PLG: variants seen among roughly 807,000 people sequenced by gnomAD.
The protein encoded by PLG is plasminogen, also known as plasmin.
PLG carries 41 observed loss-of-function variants against 104.4 expected under a neutral mutation model. The observed-to-expected ratio is 0.39, with a 90% CI of 0.31 to 0.51. The LOEUF (loss-of-function observed/expected upper bound fraction) is 0.51. Among genes scored for constraint, PLG ranks in the 20% least tolerant of loss-of-function variants. PLG has a pLI of 0.76. For missense variants in PLG, 891 were observed against 1,003.6 expected, an observed-to-expected ratio of 0.89 and a Z score of 1.52; for synonymous variants, 337 against 357.1, an observed-to-expected ratio of 0.94 and a Z score of 0.63.
At chr6:160,715,405 A>C (rs983704012) in intron 6 of PLG, among the ~76,000 whole-genome samples, 1 of 152,120 alleles carries the variant, frequency 6.6e-6, no homozygotes, top group African/African-American at 2.4e-5. Context: ...TGAATCCCTG[A>C]TGTTTTATGT....
chr6:160,732,072 AT>A lies in PLG; in HGVS notation c.1587+180del, dbSNP rs1181360806. Among the ~76,000 whole-genome samples, 1 of 152,198 alleles carries A rather than the reference AT, an allele frequency of 6.6e-6. No individual in the cohort carries two copies. Among genetic ancestry groups the A allele is most frequent in the Non-Finnish European group, 1.5e-5 (1 of 68,032 alleles). On this transcript the variant is annotated intron_variant, in intron 12 of 18. Coordinates refer to ENST00000308192, the MANE Select transcript of PLG (RefSeq NM_000301.5). This position sits in a 1 kb window ranked among gnomAD's most constrained non-coding sequence, Gnocchi z 4.5. The stretch of plus-strand genomic sequence containing the variant: ...AAGCTAGAATATAATTGGCCTTAGT[AT>A]GGAAAGTACAAGCAGCACAGGCCAG...
intron 1 of PLG, chr6:160,705,628 C>A (rs894196114): frequency 1.3e-5 from 2 of 152,108 alleles, no homozygotes; most frequent in African/African-American, 4.8e-5. Context: ...TAGTTCAGTT[C>A]TTGTTTATTT....
At chr6:160,714,650 A>G in intron 5 of PLG, 144 bp from the exon 6 acceptor site, 1 of 641,006 alleles carries the variant, frequency 1.6e-6, no homozygotes, top group South Asian at 1.9e-5. Context: ...TGCCAATTTT[A>G]TTGCCAAGTG....
At chr6:160,714,404 T>C (rs1777696436) in intron 5 of PLG, among the ~76,000 whole-genome samples, 1 of 152,194 alleles carries the variant, frequency 6.6e-6, no homozygotes, top group South Asian at 2.1e-4. Context: ...AGATCATTAT[T>C]GAAATGAAGA....
rs1467328540 is a variant in PLG, at chr6:160,702,286, A to G, written c.-19A>G. On this transcript the variant is annotated 5_prime_UTR_variant, in exon 1 of 19. Transcript: ENST00000308192. ...TGGGATTGGGACCCACTTTCTGGGC[A>G]CTGCTGGCCAGTCCCAAAATGGAAC... 2 of 1,609,724 alleles carry G rather than the reference A, an allele frequency of 1.2e-6. No homozygotes were observed. Among genetic ancestry groups the G allele is most frequent in the Middle Eastern group, 2.2e-4 (1 of 4,452 alleles).
chr6:160,723,316 G>A lies in PLG; in HGVS notation c.1256+749G>A, dbSNP rs975072492. 6.6e-6 allele frequency among the ~76,000 whole-genome samples: 1 copy of A among 152,100 alleles called. No homozygotes were observed. The highest frequency in any genetic ancestry group is 1.5e-5 in the Non-Finnish European group (1 of 68,026). Reference sequence around the variant, plus strand: ...AGCGAAAGAGGCCATTAGATGAACAGAAAACCAGGTCTAACAAGGACAGCT... The same window carrying A: ...AGCGAAAGAGGCCATTAGATGAACAAAAAACCAGGTCTAACAAGGACAGCT... On this transcript the variant is annotated intron_variant, in intron 10 of 18. Transcript: ENST00000308192. This position sits in a 1 kb window ranked among gnomAD's most constrained non-coding sequence, Gnocchi z 4.7.
intron 17 of PLG, among the ~76,000 whole-genome samples, chr6:160,745,212 T>C (rs1201455372): frequency 1.3e-5 from 2 of 152,196 alleles, no homozygotes; most frequent in South Asian, 2.1e-4. Context: ...TCTTTGTTAA[T>C]TTTGTGCCTC....
In PLG at chr6:160,736,877, T is replaced by C; in HGVS notation, c.1682-10T>C. 6 of 1,613,734 alleles carry C rather than the reference T, an allele frequency of 3.7e-6. No individual in the cohort carries two copies. The highest frequency in any genetic ancestry group is 5.1e-6 in the Non-Finnish European group (6 of 1,179,736). On this transcript the variant is annotated splice_polypyrimidine_tract_variant and intron_variant, in intron 13 of 18. Transcript: ENST00000308192. The surrounding 1 kb of genome is among the most constrained non-coding windows in gnomAD (Gnocchi z 5.2). ...CTCAAATGGGATTTCTTTCCCACCTTGTGCCACAGCGGCCCCTTCATTTGA... is the reference window on the plus strand; with the variant it reads ...CTCAAATGGGATTTCTTTCCCACCTCGTGCCACAGCGGCCCCTTCATTTGA...
chr6:160,733,975 A>C lies in PLG; in HGVS notation c.1588-20A>C, dbSNP rs1008398093. The C allele has an allele frequency of 2.3e-5, 32 of 1,417,870 alleles. No individual in the cohort carries two copies. Among genetic ancestry groups the C allele is most frequent in the Non-Finnish European group, 3.1e-5 (31 of 1,001,454 alleles). 87.8% of individuals were successfully genotyped at this position (1,417,870 alleles called of 1,614,324 possible). On this transcript the variant is annotated intron_variant, in intron 12 of 18. Coordinates refer to ENST00000308192, the MANE Select transcript of PLG (RefSeq NM_000301.5). The stretch of plus-strand genomic sequence containing the variant: ...TCCTGCCCCACGTGAGCTGGAGCTT[A>C]CATGCCTTCTTGTTTTCAGTACTGC...
chr6:160,733,951 C>A (rs1778046105), intron 12 of PLG, 44 bp from the exon 13 acceptor site: 1 of 1,024,972 alleles, frequency 9.8e-7, no homozygotes. Context: ...TTCTCCCTCT[C>A]CTGCCCCACG....
chr6:160,741,461 T>C lies in PLG; in HGVS notation c.2125+44T>C. ...CCCACATAACGAATTGGTTTTGACC[T>C]ACAGTCCATGTGACAAAATGATCAT... is the stretch of plus-strand genomic sequence containing the variant. On this transcript the variant is annotated intron_variant, in intron 17 of 18. Coordinates refer to ENST00000308192, the MANE Select transcript of PLG (RefSeq NM_000301.5). This position sits in a 1 kb window ranked among gnomAD's most constrained non-coding sequence, Gnocchi z 4.7. 9.2e-7 allele frequency: 1 copy of C among 1,090,822 alleles called. No individual in the cohort carries two copies. Among genetic ancestry groups the C allele is most frequent in the South Asian group, 1.2e-5 (1 of 80,490 alleles). 67.6% of individuals were successfully genotyped at this position (1,090,822 alleles called of 1,614,324 possible). A position where few individuals can be genotyped will look rare whatever the true frequency, so the allele number is the denominator to read the frequency against.
rs1338690994 is a variant in PLG at position 160,725,080 on chromosome 6, T to TAATTTGCATGTAATTACA, written c.1256+2513_1256+2514insAATTTGCATGTAATTACA. Among the ~76,000 whole-genome samples, 16 of 152,202 alleles carry TAATTTGCATGTAATTACA rather than the reference T, an allele frequency of 1.1e-4. No homozygotes were observed. Among genetic ancestry groups the TAATTTGCATGTAATTACA allele is most frequent in the African/African-American group, 3.9e-4 (16 of 41,532 alleles). ...AAATACAAAAATTAGCTGGGCATGG[T>TAATTTGCATGTAATTACA]GGCACGTGCCTGTAATCCCAGCAAC... is the stretch of plus-strand genomic sequence containing the variant. On this transcript the variant is annotated intron_variant, in intron 10 of 18. Coordinates refer to ENST00000308192, the MANE Select transcript of PLG (RefSeq NM_000301.5). This position sits in a 1 kb window ranked among gnomAD's most constrained non-coding sequence, Gnocchi z 6.3.
chr6:160,713,222 G>A, intron 5 of PLG, 97 bp downstream of exon 5: 4 of 979,830 alleles, frequency 4.1e-6, no homozygotes, highest in Non-Finnish European at 6.6e-6. Flanking sequence ...ATTAATAATT[G>A]AGTAACGTAT....
chr6:160,727,289 T>C (rs1321680664), intron 10 of PLG, among the ~76,000 whole-genome samples: 1 of 151,806 alleles, frequency 6.6e-6, no homozygotes, highest in East Asian at 1.9e-4. Context: ...ATATAATCTT[T>C]AATATGTTAA....
rs1402393261 is a variant in PLG, at chr6:160,719,577, A to G, written c.1096+739A>G. 6.6e-6 allele frequency among the ~76,000 whole-genome samples: 1 copy of G among 152,192 alleles called. No individual in the cohort carries two copies. The highest frequency in any genetic ancestry group is 2.4e-5 in the African/African-American group (1 of 41,450). On this transcript the variant is annotated intron_variant, in intron 9 of 18. Coordinates refer to ENST00000308192, the MANE Select transcript of PLG (RefSeq NM_000301.5). The surrounding 1 kb of genome is among the most constrained non-coding windows in gnomAD (Gnocchi z 4.1). ...CAAGTTAGTTATTTCTCTTTGTCCCATTTAAACTTTGTTCCTTTTTTCATC... is the reference window on the plus strand; with the variant it reads ...CAAGTTAGTTATTTCTCTTTGTCCCGTTTAAACTTTGTTCCTTTTTTCATC...
In PLG at chr6:160,752,076, T is replaced by C. The variant is rs373572362; in HGVS notation, c.2126-39T>C. The stretch of plus-strand genomic sequence containing the variant: ...CTGGAATATCCTCCTGAATGTGTTT[T>C]GGGTGCAGTTGCCATTTCTTTCATC... On this transcript the variant is annotated intron_variant, in intron 17 of 18. Coordinates refer to ENST00000308192, the MANE Select transcript of PLG (RefSeq NM_000301.5). The surrounding 1 kb of genome is among the most constrained non-coding windows in gnomAD (Gnocchi z 4.7). 6.3e-7 allele frequency: 1 copy of C among 1,598,466 alleles called. No individual in the cohort carries two copies. The highest frequency in any genetic ancestry group is 8.6e-7 in the Non-Finnish European group (1 of 1,166,802).
chr6:160,712,183 G>T (rs1312844799), intron 4 of PLG: 1 of 163,086 alleles, frequency 6.1e-6, no homozygotes, highest in Non-Finnish European at 1.3e-5. Context: ...GGTAGTCTAG[G>T]CTCATCTTTA....
chr6:160,752,417 C>A lies in PLG; in HGVS notation c.2271+157C>A, dbSNP rs768393519. On this transcript the variant is annotated intron_variant, in intron 18 of 18. Transcript: ENST00000308192. This position sits in a 1 kb window ranked among gnomAD's most constrained non-coding sequence, Gnocchi z 4.7. ...AACTTCCTAGATCTGTCCCTGAATG[C>A]GTATTCAGATCATCTAAGGGGATGT... is the stretch of plus-strand genomic sequence containing the variant. 2.0e-5 allele frequency among the ~76,000 whole-genome samples: 3 copies of A among 152,176 alleles called. No homozygotes were observed. Among genetic ancestry groups the A allele is most frequent in the Non-Finnish European group, 2.9e-5 (2 of 68,042 alleles).
Position 160,737,783 on chromosome 6 carries a change from T to C in PLG, c.1803-755T>C, listed in dbSNP as rs1778111957. On this transcript the variant is annotated intron_variant, in intron 14 of 18. Transcript: ENST00000308192. The surrounding 1 kb of genome is among the most constrained non-coding windows in gnomAD (Gnocchi z 4.7). ...AATGCCATCGACAAACCTGATCGCA[T>C]TGCATTTCACTCTGCTGTTGAGTCG... 1.3e-5 allele frequency among the ~76,000 whole-genome samples: 2 copies of C among 152,230 alleles called. No individual in the cohort carries two copies. Among genetic ancestry groups the C allele is most frequent in the South Asian group, 2.1e-4 (1 of 4,834 alleles).
Sources: allele counts gnomAD v4.1 joint callset (sites outside exome capture counted in the v4.1 genomes callset), GRCh38; gene constraint gnomAD v4.1.1; non-coding constraint Gnocchi (gnomAD v3.1); transcripts MANE v1.5; gene names NCBI Gene and HGNC (gene_info 2026-07-23, HGNC 2026-07-21).